Variants in FBXW5 observed in about 807,000 individuals in gnomAD.
FBXW5 encodes F-box/WD repeat-containing protein 5.
FBXW5 carries 74 observed loss-of-function variants against 50.9 expected under a neutral mutation model. That is an observed-to-expected ratio of 1.45 (90% confidence interval 1.20 to 1.76). The LOEUF (loss-of-function observed/expected upper bound fraction) is 1.76, where lower values mean the gene tolerates loss of function less well. Among genes scored for constraint, FBXW5 ranks in the 40% most tolerant of loss-of-function variants. FBXW5 has a pLI of 0.00. For missense variants in FBXW5, 1,073 were observed against 818.8 expected (o/e 1.31, Z -3.79); for synonymous variants, 523 against 362.2 (o/e 1.44, Z -5.04).
Position 136,942,485 on chromosome 9 carries a change from G to A in FBXW5, c.676-19C>T. 1 of 1,597,252 alleles carries A rather than the reference G, an allele frequency of 6.3e-7. No individual in the cohort carries two copies. Among genetic ancestry groups the A allele is most frequent in the Non-Finnish European group, 8.6e-7 (1 of 1,168,728 alleles). On this transcript the variant is annotated intron_variant, in intron 5 of 8. Coordinates refer to ENST00000325285, the MANE Select transcript of FBXW5 (RefSeq NM_018998.4). The stretch of plus-strand genomic sequence containing the variant: ...CCACATCCTGGGGGCGGGGGCACGT[G>A]CCAGGTGGGCGCCGGGCGCCAGGCC...
At chr9:136,943,101 G>A (rs1850862428) in intron 3 of FBXW5, 158 bp from the exon 4 acceptor site, 5 of 1,221,708 alleles carry the variant, frequency 4.1e-6, no homozygotes, top group East Asian at 2.4e-5. Context: ...GGGGGGCATT[G>A]GTATAGAGCG....
chr9:136,942,296 C>A lies in FBXW5; in HGVS notation c.846G>T (p.Leu282=). The part of the protein sequence containing the change: ...PATSPCRIFD[L]GSDNEEVVAG... ...CCACCACCTCCTCGTTGTCGCTGCC[C>A]AGGTCAAAGATGCGGCAGGGGGACG... is the stretch of plus-strand genomic sequence containing the variant. Residue 282 remains leucine (L), a synonymous_variant, in exon 6 of 9, where the codon CTG becomes CTT. Coordinates refer to ENST00000325285, the MANE Select transcript of FBXW5 (RefSeq NM_018998.4). The A allele has an allele frequency of 6.3e-7, 1 of 1,593,768 alleles. No homozygotes were observed. Among genetic ancestry groups the A allele is most frequent in the Non-Finnish European group, 8.5e-7 (1 of 1,171,078 alleles).
At chr9:136,943,650 C>G in intron 2 of FBXW5, 144 bp from the exon 3 acceptor site, 1 of 1,223,608 alleles carries the variant, frequency 8.2e-7, no homozygotes. Flanking sequence ...CTGGGGGATT[C>G]AACCCTGTAG....
Position 136,942,669 on chromosome 9 carries a change from G to A in FBXW5, c.553C>T (p.Arg185Trp), listed in dbSNP as rs937921948. 8.1e-6 allele frequency: 13 copies of A among 1,610,074 alleles called. No homozygotes were observed. The highest frequency in any genetic ancestry group is 3.3e-4 in the Middle Eastern group (2 of 6,056). The change falls in exon 5 of 9, where the codon CGG becomes TGG. Residue 185 changes from arginine (R) to tryptophan (W), a missense_variant. By Grantham distance (101) the Arg-to-Trp change is moderately radical (BLOSUM62 -3). Coordinates refer to ENST00000325285, the MANE Select transcript of FBXW5 (RefSeq NM_018998.4). Reference protein sequence around the residue: ...LDSFALLSRVRNKPYDVFGCW... With the variant: ...LDSFALLSRVWNKPYDVFGCW... ...CCAAACACGTCATAGGGCTTGTTCC[G>A]CACGCGGGACAGCAGCGCGAAGGAG...
Position 136,940,947 on chromosome 9 carries a change from A to G in FBXW5, c.1682T>C (p.Leu561Pro). The change falls in exon 9 of 9, where the codon CTT becomes CCT. Residue 561 changes from leucine to proline, a missense_variant. Leu to Pro is a moderately conservative substitution (Grantham distance 98, BLOSUM62 -3). Coordinates refer to ENST00000325285, the MANE Select transcript of FBXW5 (RefSeq NM_018998.4). ...CACACCTCAGCGCCTCTGGCTGGCA[A>G]GCCAGGAGAAGAAGGTGCGAGGCCG... ...RPRPRTFFSW[L>P]ASQRR 3 of 1,573,554 alleles carry G rather than the reference A, an allele frequency of 1.9e-6. No homozygotes were observed. Among genetic ancestry groups the G allele is most frequent in the Non-Finnish European group, 2.6e-6 (3 of 1,160,488 alleles).
chr9:136,943,380 A>C lies in FBXW5; in HGVS notation c.320T>G (p.Phe107Cys), dbSNP rs775394119. 1 of 1,612,872 alleles carries C rather than the reference A, an allele frequency of 6.2e-7. No individual in the cohort carries two copies. Among genetic ancestry groups the C allele is most frequent in the Non-Finnish European group, 8.5e-7 (1 of 1,179,936 alleles). ...AGTGCAGTCCTTGGAGCAGGACGCG[A>C]ACTGGTACCCGGAATGGGAGAAGCT... ...HLSFSHSGYQFASCSKDCTVK... is the reference protein window; with the variant it reads ...HLSFSHSGYQCASCSKDCTVK... The change falls in exon 3 of 9, where the codon TTC becomes TGC. Residue 107 changes from phenylalanine to cysteine, a missense_variant. By Grantham distance (205) the Phe-to-Cys change is radical. Transcript: ENST00000325285.
At chr9:136,943,549 G>A (rs535518742) in intron 2 of FBXW5, 43 bp from the exon 3 acceptor site, 4 of 1,573,122 alleles carry the variant, frequency 2.5e-6, no homozygotes, top group South Asian at 2.3e-5. Flanking sequence ...GGCCTTCCTC[G>A]CAGTCACGGC....
Position 136,944,075 on chromosome 9 carries a change from C to T in FBXW5, c.9G>A (p.Glu3=). The T allele has an allele frequency of 6.3e-7, 1 of 1,594,564 alleles. No individual in the cohort carries two copies. Among genetic ancestry groups the T allele is most frequent in the Admixed American group, 1.7e-5 (1 of 57,942 alleles). The part of the protein sequence containing the change: MD[E]GGTPLLPDSL... ...TGTCGGGGAGCAGGGGCGTGCCGCCCTCGTCCATCGTGACATTCTGCCCAG... is the reference window on the plus strand; with the variant it reads ...TGTCGGGGAGCAGGGGCGTGCCGCCTTCGTCCATCGTGACATTCTGCCCAG... Residue 3 remains glutamate, a synonymous_variant, in exon 2 of 9, where the codon GAG becomes GAA. Coordinates refer to ENST00000325285, the MANE Select transcript of FBXW5 (RefSeq NM_018998.4).
At chr9:136,943,138 C>CTG (rs1446280509) in intron 3 of FBXW5, 195 bp from the exon 4 acceptor site, 1 of 1,039,006 alleles carries the variant, frequency 9.6e-7, no homozygotes, top group Non-Finnish European at 1.4e-6. Context: ...AAGCAGGCGG[C>CTG]TGTGTGTGGG....
At chr9:136,943,244 ACC>A in intron 3 of FBXW5, 103 bp downstream of exon 3, 1 of 727,614 alleles carries the variant, frequency 1.4e-6, no homozygotes, top group South Asian at 1.6e-5. Flanking sequence ...CTCTGGCCTG[ACC>A]CACCCCCCCC....
rs770760127 is a variant in FBXW5, at chr9:136,941,061, T to C, written c.1568A>G (p.Gln523Arg). 4 of 1,558,798 alleles carry C rather than the reference T, an allele frequency of 2.6e-6. No homozygotes were observed. The highest frequency in any genetic ancestry group is 3.5e-6 in the Non-Finnish European group (4 of 1,151,274). Residue 523 changes from glutamine to arginine, a missense_variant, in exon 9 of 9, where the codon CAG (glutamine) becomes CGG (arginine). By Grantham distance (43) the Gln-to-Arg change is conservative. Coordinates refer to ENST00000325285, the MANE Select transcript of FBXW5 (RefSeq NM_018998.4). ...GTCGCTGGCCGTGAGCAGCAGCTCC[T>C]GCTCCTGGGGACTGAAGACCACTGA... ...VNSVVFSPQEQELLLTASDDA... is the reference protein window; with the variant it reads ...VNSVVFSPQERELLLTASDDA...
At position 136,942,289 on chromosome 9, in the gene FBXW5, C is replaced by T. The variant is rs373229714; in HGVS notation, c.853G>A (p.Asp285Asn). 2.7e-5 allele frequency: 43 copies of T among 1,589,532 alleles called. 1 individual carries two copies. Among genetic ancestry groups the T allele is most frequent in the African/African-American group, 2.7e-4 (20 of 74,620 alleles). The change falls in exon 6 of 9, where the codon GAC becomes AAC. Residue 285 changes from aspartate to asparagine, a missense_variant. Coordinates refer to ENST00000325285, the MANE Select transcript of FBXW5 (RefSeq NM_018998.4). ...SPCRIFDLGS[D>N]NEEVVAGPAP... ...GGGCCAGCCACCACCTCCTCGTTGT[C>T]GCTGCCCAGGTCAAAGATGCGGCAG...
At chr9:136,944,300 G>C (rs952104851) in intron 1 of FBXW5, 194 bp from the exon 2 acceptor site, 3 of 659,464 alleles carry the variant, frequency 4.5e-6, no homozygotes, top group Non-Finnish European at 6.5e-6. Context: ...TCTCCGCCGC[G>C]TCATCCCCCG....
chr9:136,942,321 G>A lies in FBXW5; in HGVS notation c.821C>T (p.Thr274Met), dbSNP rs868336666. Reference sequence around the variant, plus strand: ...CAGGTCAAAGATGCGGCAGGGGGACGTGGCCGGGTCACCGGCTTCCAGCAG... The same window carrying A: ...CAGGTCAAAGATGCGGCAGGGGGACATGGCCGGGTCACCGGCTTCCAGCAG... ...DLLLEAGDPATSPCRIFDLGS... is the reference protein window; with the variant it reads ...DLLLEAGDPAMSPCRIFDLGS... Residue 274 changes from threonine to methionine, a missense_variant, in exon 6 of 9, where the codon ACG (threonine) becomes ATG (methionine). Transcript: ENST00000325285. The A allele has an allele frequency of 1.6e-5, 26 of 1,599,142 alleles. 2 individuals carry two copies. In the Middle Eastern group the frequency reaches 2.7e-3, roughly 163 times the overall value.
chr9:136,944,641 A>C lies in FBXW5; in HGVS notation c.-71T>G, dbSNP rs1588465119. 1 of 984,276 alleles carries C rather than the reference A, an allele frequency of 1.0e-6. No homozygotes were observed. The highest frequency in any genetic ancestry group is 1.8e-5 in the African/African-American group (1 of 56,798). The allele number at this position is 984,276 out of a possible 1,614,324, so 61.0% of individuals were successfully genotyped here. ...GCCGCCCCCGCCCTGCGCGACCCGG[A>C]CCCGCTTCCGCTGCCGCAGCCGCTC... On this transcript the variant is annotated 5_prime_UTR_variant, in exon 1 of 9. Coordinates refer to ENST00000325285, the MANE Select transcript of FBXW5 (RefSeq NM_018998.4).
Position 136,941,457 on chromosome 9 carries a change from C to A in FBXW5, c.1251G>T (p.Leu417=), listed in dbSNP as rs201834079. Residue 417 remains leucine (L), a synonymous_variant, in exon 8 of 9, where the codon CTG becomes CTT. Coordinates refer to ENST00000325285, the MANE Select transcript of FBXW5 (RefSeq NM_018998.4). ...TGGGCCAGGCGCGGCTGTTCACGTA[C>A]AGGTACCTGGGCGAGGGGCACTGTG... ...GMGLSPDNRY[L]YVNSRAWPNG... 22 of 1,607,252 alleles carry A rather than the reference C, an allele frequency of 1.4e-5. No individual in the cohort carries two copies. Among genetic ancestry groups the A allele is most frequent in the Non-Finnish European group, 1.9e-5 (22 of 1,179,790 alleles).
chr9:136,940,798 C>CG lies in FBXW5; in HGVS notation c.*129dup. 7.4e-7 allele frequency: 1 copy of CG among 1,347,132 alleles called. No homozygotes were observed. Among genetic ancestry groups the CG allele is most frequent in the Non-Finnish European group, 9.9e-7 (1 of 1,007,128 alleles). The allele number at this position is 1,347,132 out of a possible 1,614,324, so 83.4% of individuals were successfully genotyped here. ...AGCAGGTTTGTGTGTGAGCGTGTGG[C>CG]GGGGCCTGGTTGTCCCCTTCCTAAG... On this transcript the variant is annotated 3_prime_UTR_variant, in exon 9 of 9. Coordinates refer to ENST00000325285, the MANE Select transcript of FBXW5 (RefSeq NM_018998.4).
In FBXW5 at chr9:136,942,468, T is replaced by G. The variant is rs2131356194; in HGVS notation, c.676-2A>C. 3 of 1,598,782 alleles carry G rather than the reference T, an allele frequency of 1.9e-6. No homozygotes were observed. The highest frequency in any genetic ancestry group is 2.6e-6 in the Non-Finnish European group (3 of 1,169,550). ...GTTGACGTTCTCTGACTCCACATCC[T>G]GGGGGCGGGGGCACGTGCCAGGTGG... On this transcript the variant is annotated splice_acceptor_variant, in intron 5 of 8. Coordinates refer to ENST00000325285, the MANE Select transcript of FBXW5 (RefSeq NM_018998.4). LOFTEE classifies it high-confidence loss of function.
rs1476348750 is a variant in FBXW5 at position 136,941,789 on chromosome 9, A to G, written c.1097-105T>C. On this transcript the variant is annotated intron_variant, in intron 6 of 8. Coordinates refer to ENST00000325285, the MANE Select transcript of FBXW5 (RefSeq NM_018998.4). Reference sequence around the variant, plus strand: ...GTCTCTGGGGCTGTGAGCACCACAGAGGTCCGTGGGCACTGCCTGCTCCGG... The same window carrying G: ...GTCTCTGGGGCTGTGAGCACCACAGGGGTCCGTGGGCACTGCCTGCTCCGG... 2.0e-5 allele frequency: 29 copies of G among 1,459,460 alleles called. No individual in the cohort carries two copies. In the African/African-American group the frequency reaches 3.0e-4, roughly 15 times the overall value. 90.4% of individuals were successfully genotyped at this position (1,459,460 alleles called of 1,614,324 possible).
Sources: allele counts gnomAD v4.1 joint callset, GRCh38; gene constraint gnomAD v4.1.1; transcripts MANE v1.5; gene names NCBI Gene and HGNC (gene_info 2026-07-23, HGNC 2026-07-21).